MYO9B: variants seen among roughly 807,000 people sequenced by gnomAD.
MYO9B encodes the protein unconventional myosin-IXb.
MYO9B carries 71 observed loss-of-function variants against 229.5 expected under a neutral mutation model. That is an observed-to-expected ratio of 0.31 (90% confidence interval 0.26 to 0.38). MYO9B has a LOEUF of 0.38. Ranked by LOEUF, MYO9B falls within the 10% of genes least tolerant of loss-of-function variation. The pLI, the probability that MYO9B is intolerant of heterozygous loss-of-function variation, is 1.00. For missense variants in MYO9B, 2,255 were observed against 2,920.5 expected, an observed-to-expected ratio of 0.77 and a Z score of 5.25; for synonymous variants, 1,185 against 1,235.8, an observed-to-expected ratio of 0.96 and a Z score of 0.86.
In MYO9B at chr19:17,211,662, C is replaced by T. The variant is rs769467953; in HGVS notation, c.5946C>T (p.Tyr1982=). ...SIKEEKEDIT[Y]RLPELDPRGS... The stretch of plus-strand genomic sequence containing the variant: ...TTTCCTCCAGGGAGGACATCACCTA[C>T]CGGCTGCCGGAGCTGGACCCAAGGG... The change falls in exon 39 of 40, where the codon TAC becomes TAT. Residue 1982 remains tyrosine, a synonymous_variant. Transcript: ENST00000682292. 1 of 1,606,422 alleles carries T rather than the reference C, an allele frequency of 6.2e-7. No homozygotes were observed. The highest frequency in any genetic ancestry group is 8.5e-7 in the Non-Finnish European group (1 of 1,176,914).
chr19:17,117,027 A>G (rs947870101), intron 2 of MYO9B, among the ~76,000 whole-genome samples: 11 of 152,202 alleles, frequency 7.2e-5, no homozygotes, highest in African/African-American at 2.7e-4. Context: ...TAAGCACCAT[A>G]AAAAGGTCTC....
chr19:17,206,224 A>AGGGGGGGGG, intron 32 of MYO9B, 24 bp from the exon 33 acceptor site: 1 of 1,563,274 alleles, frequency 6.4e-7, no homozygotes, highest in Non-Finnish European at 8.7e-7. Context: ...GCCGCTCACC[A>AGGGGGGGGG]GACCCACCCC....
chr19:17,136,648 A>T (rs2145196888), intron 2 of MYO9B, among the ~76,000 whole-genome samples: 1 of 152,186 alleles, frequency 6.6e-6, no homozygotes, highest in East Asian at 1.9e-4. Flanking sequence ...CGTGTAGTGC[A>T]CAGGACGCCC....
intron 15 of MYO9B, among the ~76,000 whole-genome samples, chr19:17,183,137 G>A (rs2072880095): frequency 1.3e-5 from 2 of 152,148 alleles, no homozygotes; most frequent in South Asian, 4.1e-4. Flanking sequence ...GGCCAGGCTG[G>A]CCTTGAACTC....
At chr19:17,196,868 AAGAT>A (rs1333226311) in intron 22 of MYO9B, among the ~76,000 whole-genome samples, 2 of 151,802 alleles carry the variant, frequency 1.3e-5, no homozygotes, top group East Asian at 3.9e-4. Flanking sequence ...GGATGGCTGG[AAGAT>A]AGAGATGGAG....
intron 13 of MYO9B, among the ~76,000 whole-genome samples, chr19:17,173,673 G>A (rs985874748): frequency 4.6e-5 from 7 of 152,216 alleles, no homozygotes; most frequent in African/African-American, 1.2e-4. Flanking sequence ...CTGTTCCCCC[G>A]TCCTAGACAG....
chr19:17,163,646 G>T (rs543966900), intron 10 of MYO9B, among the ~76,000 whole-genome samples: 5 of 152,106 alleles, frequency 3.3e-5, no homozygotes, highest in Non-Finnish European at 7.3e-5. Flanking sequence ...GGGATTACAG[G>T]TGTAAGCCAC....
At position 17,198,421 on chromosome 19, in the gene MYO9B, C is replaced by A. The variant is rs184359150; in HGVS notation, c.4238+113C>A. ...CAATCACGTTTACAAAGCACGTTCG[C>A]AAAGGCATTTGCTCAGTAGAAACTG... On this transcript the variant is annotated intron_variant, in intron 24 of 39. Coordinates refer to ENST00000682292, the MANE Select transcript of MYO9B (RefSeq NM_004145.4). 3.6e-5 allele frequency: 52 copies of A among 1,429,472 alleles called. No individual in the cohort carries two copies. In the Admixed American group the frequency reaches 4.5e-4, roughly 12 times the overall value. 88.5% of individuals were successfully genotyped at this position (1,429,472 alleles called of 1,614,324 possible).
At chr19:17,136,373 T>C (rs1046124445) in intron 2 of MYO9B, among the ~76,000 whole-genome samples, 4 of 151,924 alleles carry the variant, frequency 2.6e-5, no homozygotes, top group African/African-American at 9.7e-5. Context: ...CAAAAAACAG[T>C]TCTCCAGCTA....
At chr19:17,148,610 A>C (rs2072442277) in intron 3 of MYO9B, among the ~76,000 whole-genome samples, 1 of 151,948 alleles carries the variant, frequency 6.6e-6, no homozygotes, top group Admixed American at 6.6e-5. Flanking sequence ...TGGAGACGGA[A>C]TCTCACCCTG....
intron 11 of MYO9B, among the ~76,000 whole-genome samples, chr19:17,169,269 G>A (rs2072693989): frequency 6.6e-6 from 1 of 151,550 alleles, no homozygotes; most frequent in Admixed American, 6.6e-5. Context: ...CTACTCAGGA[G>A]GCTGAGGCAG....
intron 7 of MYO9B, 149 bp downstream of exon 7, chr19:17,157,187 T>G: frequency 1.0e-6 from 1 of 984,072 alleles, no homozygotes; most frequent in Non-Finnish European, 1.4e-6. Flanking sequence ...TCTACAGTGT[T>G]CCTTCCTCAT....
chr19:17,115,398 G>T lies in MYO9B; in HGVS notation c.840+12841G>T, dbSNP rs113388411. On this transcript the variant is annotated intron_variant, in intron 2 of 39. Coordinates refer to ENST00000682292, the MANE Select transcript of MYO9B (RefSeq NM_004145.4). The stretch of plus-strand genomic sequence containing the variant: ...CCTTTATAGGAATTTTTTTTCCTTT[G>T]TCTACCCCAGTACATCCACCGCTTC... 3.2e-3 allele frequency among the ~76,000 whole-genome samples: 484 copies of T among 150,362 alleles called. 1 individual carries two copies. Among genetic ancestry groups the T allele is most frequent in the African/African-American group, 0.011 (456 of 40,870 alleles).
At chr19:17,191,068 A>G (rs1316701550) in intron 19 of MYO9B, 29 bp from the exon 20 acceptor site, 1 of 1,606,684 alleles carries the variant, frequency 6.2e-7, no homozygotes, top group Non-Finnish European at 8.5e-7. Flanking sequence ...ACTCACCTAG[A>G]TTTTCCTTTC....
Position 17,212,113 on chromosome 19 carries a change from C to T in MYO9B, c.6277C>T (p.Pro2093Ser), listed in dbSNP as rs755842130. ...ACCGGGTGCCCGGGAGGCGGCTGCC[C>T]CAGTGCGGCGCCGGGAGCCACCTGC... Reference protein sequence around the residue: ...WAPGAREAAAPVRRREPPARR... With the variant: ...WAPGAREAAASVRRREPPARR... Residue 2093 changes from proline to serine, a missense_variant, in exon 40 of 40, where the codon CCA (proline) becomes TCA (serine). Pro to Ser is a moderately conservative substitution (Grantham distance 74). Transcript: ENST00000682292. This position sits in a 1 kb window ranked among gnomAD's most constrained non-coding sequence, Gnocchi z 5.4. 4.7e-5 allele frequency: 74 copies of T among 1,591,010 alleles called. No homozygotes were observed. Among genetic ancestry groups the T allele is most frequent in the Admixed American group, 1.3e-4 (7 of 55,928 alleles).
At chr19:17,125,362 T>G (rs186594579) in intron 2 of MYO9B, among the ~76,000 whole-genome samples, 46 of 149,492 alleles carry the variant, frequency 3.1e-4, no homozygotes, top group Admixed American at 2.4e-3. Flanking sequence ...CTTCAGATGT[T>G]TTCACAGCCT....
rs1183075627 is a variant in MYO9B at position 17,210,685 on chromosome 19, T to C, written c.5797-30T>C. 6 of 1,508,676 alleles carry C rather than the reference T, an allele frequency of 4.0e-6. No individual in the cohort carries two copies. The East Asian group carries it at 1.5e-4, about 37-fold the overall frequency. The allele number at this position is 1,508,676 out of a possible 1,614,324, so 93.5% of individuals were successfully genotyped here. A position where few individuals can be genotyped will look rare whatever the true frequency, so the allele number is the denominator to read the frequency against. The stretch of plus-strand genomic sequence containing the variant: ...CAGTAACCTCGCCCACTCAGAGATG[T>C]CAGTGGGACCCCTTGCTTCTTTGTT... On this transcript the variant is annotated intron_variant, in intron 37 of 39. Transcript: ENST00000682292.
chr19:17,189,859 C>T (rs562736715), intron 19 of MYO9B, among the ~76,000 whole-genome samples: 1 of 151,504 alleles, frequency 6.6e-6, no homozygotes, highest in Non-Finnish European at 1.5e-5. Context: ...GTCAGGAGAT[C>T]GAGACCATCC....
At chr19:17,123,642 CAGGTGATCCGTCTG>C (rs2145136213) in intron 2 of MYO9B, among the ~76,000 whole-genome samples, 1 of 152,218 alleles carries the variant, frequency 6.6e-6, no homozygotes, top group African/African-American at 2.4e-5. Context: ...GTCTTGAACT[CAGGTGATCCGTCTG>C]TCACAGCCTC....
Sources: gnomAD v4.1 joint callset for allele counts (sites outside exome capture counted in the v4.1 genomes callset) on GRCh38, gnomAD v4.1.1 for gene constraint, Gnocchi (gnomAD v3.1) non-coding constraint, MANE v1.5 for transcripts, NCBI Gene and HGNC (gene_info 2026-07-23, HGNC 2026-07-21) for gene names.